The following UBE3D variants were observed in gnomAD, a reference collection of about 807,000 sequenced individuals.
UBE3D encodes the protein ubiquitin protein ligase E3D.
Under a neutral mutation model 49.6 loss-of-function variants are expected in UBE3D, and 48 were observed. The ratio of observed to expected loss-of-function variants is 0.97; its 90% confidence interval spans 0.77 to 1.23. The LOEUF (loss-of-function observed/expected upper bound fraction) is 1.23. Among genes scored for constraint, UBE3D ranks in the 50% most tolerant of loss-of-function variants. The probability of loss-of-function intolerance (pLI) is 0.00; values close to 1 mark genes in which losing one functional copy is unlikely to be tolerated. For synonymous variants in UBE3D, 189 were observed against 174.2 expected, an observed-to-expected ratio of 1.08 and a Z score of -0.67; for missense variants, 452 against 468.4, an observed-to-expected ratio of 0.96 and a Z score of 0.32.
downstream of UBE3D, among the ~76,000 whole-genome samples, chr6:82,889,606 T>C (rs1397579499): frequency 6.6e-6 from 1 of 152,166 alleles, no homozygotes. Flanking sequence ...CACTTTAAGC[T>C]CATTTCAGCC....
intron 8 of UBE3D, among the ~76,000 whole-genome samples, chr6:82,985,914 T>C (rs1040063693): frequency 1.3e-5 from 2 of 152,176 alleles, no homozygotes; most frequent in South Asian, 4.1e-4. Context: ...TGAATTATAG[T>C]ATCTTAATAA....
chr6:82,912,673 T>C (rs2770684), intron 9 of UBE3D, among the ~76,000 whole-genome samples: 101,647 of 151,654 alleles, frequency 0.67, 34,583 homozygotes, highest in East Asian at 0.79. Context: ...TACCAGGGTA[T>C]AATGCTAAAA....
At chr6:82,932,484 C>A (rs768201649) in intron 9 of UBE3D, 1 of 152,074 alleles carries the variant, frequency 6.6e-6, no homozygotes, top group African/African-American at 2.4e-5. Flanking sequence ...GTCATTTTCC[C>A]AGCATTTTAA....
intron 7 of UBE3D, 98 bp from the exon 8 acceptor site, chr6:83,019,234 G>GA (rs1410239231): frequency 9.1e-7 from 1 of 1,094,896 alleles, no homozygotes; most frequent in African/African-American, 1.7e-5. Context: ...GAAAATACCA[G>GA]AAAAAATAAA....
chr6:82,916,098 A>T (rs1233649590), intron 9 of UBE3D, among the ~76,000 whole-genome samples: 1 of 152,156 alleles, frequency 6.6e-6, no homozygotes, highest in Non-Finnish European at 1.5e-5. Context: ...ATATTCATTG[A>T]CTTTATCATT....
At chr6:82,930,316 T>G (rs911120343) in intron 9 of UBE3D, among the ~76,000 whole-genome samples, 11 of 152,282 alleles carry the variant, frequency 7.2e-5, no homozygotes, top group African/African-American at 2.4e-4. Flanking sequence ...ATGTCTTTAT[T>G]AGCAGCGTGA....
At chr6:82,945,571 T>C (rs145039574) in intron 9 of UBE3D, among the ~76,000 whole-genome samples, 112 of 152,198 alleles carry the variant, frequency 7.4e-4, no homozygotes, top group Middle Eastern at 3.4e-3. Context: ...CTACAATAAA[T>C]ACCTAACTTT....
At chr6:83,019,324 T>TAAAAAAA (rs74721575) in intron 7 of UBE3D, among the ~76,000 whole-genome samples, 188 bp from the exon 8 acceptor site, 1 of 130,134 alleles carries the variant, frequency 7.7e-6, no homozygotes, top group Non-Finnish European at 1.7e-5. Flanking sequence ...GACATAAAGT[T>TAAAAAAA]AAAAAAAAAA....
chr6:82,973,223 A>C lies in UBE3D; in HGVS notation c.1011-15773T>G, dbSNP rs549371009. Among the ~76,000 whole-genome samples the C allele has an allele frequency of 2.0e-5, 3 of 152,336 alleles. No individual in the cohort carries two copies. In the South Asian group the frequency reaches 6.2e-4, roughly 32 times the overall value. On this transcript the variant is annotated intron_variant, in intron 8 of 9. Transcript: ENST00000369747. ...CTAGCAACTTGGATTTGATTCTCCT[A>C]TAAGAATTTGATTTGTATGCACCTA... is the stretch of plus-strand genomic sequence containing the variant.
At chr6:82,940,091 G>T (rs1562103158) in intron 9 of UBE3D, among the ~76,000 whole-genome samples, 1 of 152,154 alleles carries the variant, frequency 6.6e-6, no homozygotes. Flanking sequence ...GATGTGATGT[G>T]GCAGCAACGT....
Position 83,044,486 on chromosome 6 carries a change from C to CT in UBE3D, c.538dup (p.Arg180LysfsTer3). On this transcript the variant is annotated frameshift_variant, in exon 4 of 10. Transcript: ENST00000369747. LOFTEE classifies it high-confidence loss of function. The stretch of plus-strand genomic sequence containing the variant: ...CATCTCCACTGGGGATAGTTCAGGT[C>CT]TTTGCTGCCACAAACTGGTTCTTAA... 6.2e-7 allele frequency: 1 copy of CT among 1,614,106 alleles called. No homozygotes were observed. The highest frequency in any genetic ancestry group is 8.5e-7 in the Non-Finnish European group (1 of 1,179,966).
chr6:82,915,448 T>G (rs1309740234), intron 9 of UBE3D, among the ~76,000 whole-genome samples: 2 of 152,206 alleles, frequency 1.3e-5, no homozygotes, highest in Non-Finnish European at 2.9e-5. Flanking sequence ...ATATGTGACT[T>G]CACAAATAAG....
chr6:82,923,246 A>G (rs1224293109), intron 9 of UBE3D, among the ~76,000 whole-genome samples: 1 of 152,254 alleles, frequency 6.6e-6, no homozygotes, highest in African/African-American at 2.4e-5. Flanking sequence ...GTTACTATAA[A>G]GACACACGTA....
chr6:82,934,070 G>A (rs1774372566), intron 9 of UBE3D, among the ~76,000 whole-genome samples: 1 of 152,208 alleles, frequency 6.6e-6, no homozygotes, highest in South Asian at 2.1e-4. Context: ...TTGAATCCTG[G>A]GTGCTGTTTC....
chr6:83,022,596 T>C, intron 6 of UBE3D, 35 bp from the exon 7 acceptor site: 10 of 1,493,300 alleles, frequency 6.7e-6, no homozygotes, highest in South Asian at 1.3e-5. Context: ...ACAATGTGTA[T>C]CTCATAATAA....
rs181371268 is a variant in UBE3D, at chr6:83,005,016, G to T, written c.1010+13957C>A. On this transcript the variant is annotated intron_variant, in intron 8 of 9. Transcript: ENST00000369747. The stretch of plus-strand genomic sequence containing the variant: ...CTATCTCACACTTAAAAACCTTTGT[G>T]CATCAAAAGACACAATGAACAAAGT... Among the ~76,000 whole-genome samples, 3 of 152,174 alleles carry T rather than the reference G, an allele frequency of 2.0e-5. No homozygotes were observed. In the East Asian group the frequency reaches 5.8e-4, roughly 29 times the overall value.
At chr6:82,995,485 A>ATCACACACACACAC (rs1433983416) in intron 8 of UBE3D, among the ~76,000 whole-genome samples, 2 of 33,026 alleles carry the variant, frequency 6.1e-5, no homozygotes, top group African/African-American at 2.1e-4. Flanking sequence ...GATTAATACT[A>ATCACACACACACAC]ACAATCACAC....
chr6:83,041,505 G>T (rs1034137918), intron 4 of UBE3D, among the ~76,000 whole-genome samples: 22 of 152,180 alleles, frequency 1.4e-4, no homozygotes, highest in African/African-American at 4.6e-4. Flanking sequence ...TGATAACGGT[G>T]TGGCTACATT....
chr6:82,925,935 G>A (rs1773716600), intron 9 of UBE3D, among the ~76,000 whole-genome samples: 1 of 152,062 alleles, frequency 6.6e-6, no homozygotes, highest in Non-Finnish European at 1.5e-5. Context: ...AGGTCACACA[G>A]GTGGTTAAGT....
Sources: allele counts gnomAD v4.1 joint callset (sites outside exome capture counted in the v4.1 genomes callset), GRCh38; gene constraint gnomAD v4.1.1; transcripts MANE v1.5; gene names NCBI Gene and HGNC (gene_info 2026-07-23, HGNC 2026-07-21).